PCGF3: variants seen among roughly 807,000 people sequenced by gnomAD.
PCGF3 encodes the protein polycomb group ring finger 3.
Under a neutral mutation model 33.1 loss-of-function variants are expected in PCGF3, and 7 were observed. The ratio of observed to expected loss-of-function variants is 0.21; its 90% CI spans 0.12 to 0.40. The LOEUF is 0.40. Among genes scored for constraint, PCGF3 ranks in the 10% least tolerant of loss-of-function variants. PCGF3 has a pLI of 1.00. For synonymous variants in PCGF3, 153 were observed against 121.3 expected (o/e 1.26, Z -1.72); for missense variants, 211 against 313.3 (o/e 0.67, Z 2.46).
At chr4:709,017 G>A (rs1031222754) in intron 1 of PCGF3, among the ~76,000 whole-genome samples, 9 of 152,176 alleles carry the variant, frequency 5.9e-5, no homozygotes, top group African/African-American at 2.2e-4. Context: ...ATTTGGAAGT[G>A]GTAATGAAAA....
At chr4:768,451 C>G (rs920020553) in exon 11 of PCGF3, 1 of 146,834 alleles carries the variant, frequency 6.8e-6, no homozygotes, top group Non-Finnish European at 1.5e-5. Flanking sequence ...AAGCCAGGAT[C>G]GGTTAGTGGT....
chr4:734,308 G>A (rs188626713), intron 4 of PCGF3: 53 of 1,445,554 alleles, frequency 3.7e-5, no homozygotes, highest in Non-Finnish European at 4.5e-5. Context: ...GCTAACCTGA[G>A]GCCCCATGGC....
chr4:752,830 C>T (rs1347000720), intron 8 of PCGF3, among the ~76,000 whole-genome samples: 1 of 152,252 alleles, frequency 6.6e-6, no homozygotes, highest in Non-Finnish European at 1.5e-5. Context: ...GCCTTCAGGC[C>T]CCTGTCAGAT....
chr4:766,078 G>C, exon 11 of PCGF3: 1 of 1,614,036 alleles, frequency 6.2e-7, no homozygotes, highest in Non-Finnish European at 8.5e-7. Context: ...GACTTGCTGT[G>C]AATGGTGCCA....
intron 8 of PCGF3, chr4:757,404 T>A (rs546707741): frequency 6.6e-6 from 1 of 152,382 alleles, no homozygotes; most frequent in East Asian, 1.9e-4. Flanking sequence ...ACCATGGCCA[T>A]TCTGTTGGCG....
At chr4:716,636 C>T (rs1392402798) in intron 1 of PCGF3, among the ~76,000 whole-genome samples, 7 of 129,240 alleles carry the variant, frequency 5.4e-5, no homozygotes, top group South Asian at 5.4e-4. Context: ...ACCCTGTAGA[C>T]ACTGAGTGTG....
chr4:743,475 G>T (rs1411817612), exon 7 of PCGF3: 2 of 1,601,828 alleles, frequency 1.2e-6, no homozygotes, highest in East Asian at 2.2e-5. Flanking sequence ...TTTCCGCAGC[G>T]GAAATGAGAA....
At chr4:761,952 A>G (rs1745084644) in intron 9 of PCGF3, 7 of 985,362 alleles carry the variant, frequency 7.1e-6, no homozygotes, top group Non-Finnish European at 8.4e-6. Context: ...GGGCAGGAGC[A>G]TGGGTCTGGT....
At chr4:741,490 T>C (rs1392018783) in intron 6 of PCGF3, among the ~76,000 whole-genome samples, 1 of 152,180 alleles carries the variant, frequency 6.6e-6, no homozygotes, top group Non-Finnish European at 1.5e-5. Context: ...CACTGCAACC[T>C]CCGCCTCCCA....
At chr4:766,325 A>G in exon 11 of PCGF3, 1 of 446,996 alleles carries the variant, frequency 2.2e-6, no homozygotes, top group Non-Finnish European at 4.0e-6. Flanking sequence ...CCCGTGCTTC[A>G]GCCTTGCAGG....
chr4:731,325 A>T, intron 3 of PCGF3: 1 of 399,600 alleles, frequency 2.5e-6, no homozygotes, highest in Non-Finnish European at 4.4e-6. Context: ...TGCGGGGTGC[A>T]GAGGGCTGGT....
rs1013530506 is a variant in PCGF3, at chr4:721,183, A to C, written c.-189-9447A>C. On this transcript the variant is annotated intron_variant, in intron 1 of 10. Transcript: ENST00000362003. This position sits in a 1 kb window ranked among gnomAD's most constrained non-coding sequence, Gnocchi z 4.1. ...ACCAACCTCACTGCCCCATTACAACAGTGCGGGCCCTGATTCTCATGGTTC... is the reference window on the plus strand; with the variant it reads ...ACCAACCTCACTGCCCCATTACAACCGTGCGGGCCCTGATTCTCATGGTTC... Among the ~76,000 whole-genome samples the C allele has an allele frequency of 6.6e-6, 1 of 152,100 alleles. No individual in the cohort carries two copies. The highest frequency in any genetic ancestry group is 6.5e-5 in the Admixed American group (1 of 15,268).
At chr4:724,493 T>C (rs1464960754) in intron 1 of PCGF3, among the ~76,000 whole-genome samples, 3 of 152,344 alleles carry the variant, frequency 2.0e-5, no homozygotes, top group Admixed American at 2.0e-4. Context: ...AGTCTGTCTT[T>C]TGTTTATTTA....
intron 8 of PCGF3, among the ~76,000 whole-genome samples, chr4:752,462 G>T (rs1744564094): frequency 6.6e-6 from 1 of 152,224 alleles, no homozygotes; most frequent in Non-Finnish European, 1.5e-5. Flanking sequence ...TTTCATGGAT[G>T]CACGGCCACA....
At chr4:761,091 C>T (rs1442584064) in intron 8 of PCGF3, among the ~76,000 whole-genome samples, 188 bp from the exon 9 acceptor site, 2 of 152,184 alleles carry the variant, frequency 1.3e-5, no homozygotes, top group Admixed American at 6.5e-5. Context: ...GGCAAGCAGA[C>T]GATAAACAGG....
chr4:718,870 C>T (rs960762053), intron 1 of PCGF3, among the ~76,000 whole-genome samples: 2 of 152,210 alleles, frequency 1.3e-5, no homozygotes, highest in South Asian at 2.1e-4. Flanking sequence ...TGCTTACTGT[C>T]TTTCGAGTCA....
rs918546374 is a variant in PCGF3, at chr4:721,701, A to G, written c.-189-8929A>G. Among the ~76,000 whole-genome samples, 93 of 149,528 alleles carry G rather than the reference A, an allele frequency of 6.2e-4. No individual in the cohort carries two copies. Among genetic ancestry groups the G allele is most frequent in the African/African-American group, 2.3e-3 (92 of 40,316 alleles). On this transcript the variant is annotated intron_variant, in intron 1 of 10. Coordinates refer to ENST00000362003, the Ensembl canonical transcript of PCGF3. This position sits in a 1 kb window ranked among gnomAD's most constrained non-coding sequence, Gnocchi z 4.1. ...TGGCTCTGCGTGTGGGTGTGGAGAG[A>G]GGCCTGTGGGAGACGGATGGATGGG...
At chr4:742,092 A>G (rs1744118387) in intron 6 of PCGF3, among the ~76,000 whole-genome samples, 1 of 149,068 alleles carries the variant, frequency 6.7e-6, no homozygotes, top group Non-Finnish European at 1.5e-5. Context: ...GGCCGGCCCC[A>G]CCTATCCCCT....
At chr4:713,218 G>A (rs369591640) in intron 1 of PCGF3, among the ~76,000 whole-genome samples, 262 of 140,566 alleles carry the variant, frequency 1.9e-3, no homozygotes, top group African/African-American at 6.5e-3. Flanking sequence ...TGGGGGCTGT[G>A]GCCTTGTGGG....
Sources: allele counts gnomAD v4.1 joint callset (sites outside exome capture counted in the v4.1 genomes callset), GRCh38; gene constraint gnomAD v4.1.1; non-coding constraint Gnocchi (gnomAD v3.1); transcripts MANE v1.5; gene names NCBI Gene and HGNC (gene_info 2026-07-23, HGNC 2026-07-21).